ELMO1: variants seen among roughly 807,000 people sequenced by gnomAD.
ELMO1 encodes the protein engulfment and cell motility 1, also known as engulfment and cell motility protein 1.
Under a neutral mutation model 98.9 loss-of-function variants are expected in ELMO1, and 26 were observed. That is an observed-to-expected ratio of 0.26 (90% CI 0.19 to 0.36). ELMO1 has a LOEUF of 0.36. ELMO1 is among the 10% of genes least tolerant of loss of function. The probability of loss-of-function intolerance (pLI) is 1.00; values close to 1 mark genes in which losing one functional copy is unlikely to be tolerated. For synonymous variants in ELMO1, 346 were observed against 346.0 expected, an observed-to-expected ratio of 1.00 and a Z score of 0.00; for missense variants, 627 against 935.2, an observed-to-expected ratio of 0.67 and a Z score of 4.30.
At chr7:36,923,155 C>T (rs1785278587) in intron 16 of ELMO1, among the ~76,000 whole-genome samples, 2 of 152,196 alleles carry the variant, frequency 1.3e-5, no homozygotes, top group African/African-American at 4.8e-5. Context: ...CTGTGAGGTC[C>T]TCGGTATTTT....
chr7:37,223,173 T>C (rs1372601731), intron 9 of ELMO1, among the ~76,000 whole-genome samples: 7 of 152,210 alleles, frequency 4.6e-5, no homozygotes, highest in African/African-American at 1.4e-4. Context: ...ATATAAACAT[T>C]TCAATAACAA....
At chr7:37,260,409 A>C (rs1795918853) in intron 5 of ELMO1, among the ~76,000 whole-genome samples, 1 of 152,198 alleles carries the variant, frequency 6.6e-6, no homozygotes, top group Non-Finnish European at 1.5e-5. Context: ...CACAGGGTTA[A>C]GGTTGCAGAG....
At chr7:36,946,101 C>G (rs1562846021) in intron 16 of ELMO1, among the ~76,000 whole-genome samples, 1 of 152,234 alleles carries the variant, frequency 6.6e-6, no homozygotes, top group South Asian at 2.1e-4. Flanking sequence ...GACAGCTGTG[C>G]TTTTCTGCAC....
At chr7:37,286,442 G>A (rs1225050918) in intron 4 of ELMO1, among the ~76,000 whole-genome samples, 3 of 152,350 alleles carry the variant, frequency 2.0e-5, no homozygotes, top group African/African-American at 7.2e-5. Flanking sequence ...GTAAATGAAT[G>A]ATGGGCAAGA....
At chr7:36,987,221 C>T (rs1791574411) in intron 16 of ELMO1, among the ~76,000 whole-genome samples, 2 of 152,132 alleles carry the variant, frequency 1.3e-5, no homozygotes, top group African/African-American at 4.8e-5. Flanking sequence ...TCCTCCCCTG[C>T]TTGCTCCAAA....
chr7:37,082,687 C>G (rs1413972832), intron 15 of ELMO1, among the ~76,000 whole-genome samples: 1 of 152,006 alleles, frequency 6.6e-6, no homozygotes, highest in South Asian at 2.1e-4. Context: ...GCTGTGACTG[C>G]GTTACTGCAC....
intron 13 of ELMO1, among the ~76,000 whole-genome samples, chr7:37,170,909 C>T (rs1249104438): frequency 2.0e-5 from 3 of 152,092 alleles, no homozygotes; most frequent in African/African-American, 7.2e-5. Flanking sequence ...CCTGGCTGAA[C>T]TTTCATTTTA....
intron 1 of ELMO1, among the ~76,000 whole-genome samples, chr7:37,443,241 C>T (rs1345704564): frequency 2.0e-5 from 3 of 152,176 alleles, no homozygotes; most frequent in African/African-American, 7.2e-5. Flanking sequence ...GCAAGTTGTG[C>T]CTCTCCAGTG....
At chr7:37,308,095 A>G (rs992241121) in intron 4 of ELMO1, among the ~76,000 whole-genome samples, 7 of 152,200 alleles carry the variant, frequency 4.6e-5, no homozygotes, top group Admixed American at 3.3e-4. Context: ...CCTGCCCGAC[A>G]GAGCAAGACT....
At chr7:37,351,549 A>C (rs1170838751) in intron 1 of ELMO1, among the ~76,000 whole-genome samples, 1 of 152,226 alleles carries the variant, frequency 6.6e-6, no homozygotes, top group Non-Finnish European at 1.5e-5. Context: ...GGGAACAAGG[A>C]CAGAAGGCCT....
intron 16 of ELMO1, among the ~76,000 whole-genome samples, chr7:36,903,652 T>G (rs1783747923): frequency 6.6e-6 from 1 of 151,798 alleles, no homozygotes; most frequent in South Asian, 2.1e-4. Flanking sequence ...CCAGGGGAGG[T>G]GCATGCACAG....
rs372289275 is a variant in ELMO1 at position 36,865,670 on chromosome 7, C to T, written c.1906-3934G>A. Among the ~76,000 whole-genome samples, 91 of 152,304 alleles carry T rather than the reference C, an allele frequency of 6.0e-4. No homozygotes were observed. The South Asian group carries it at 0.017, about 29-fold the overall frequency. ...GCCAATTCCTTTTCAAAAGCTAGAT[C>T]AGATGCCATGTCCTGCATCACCTTT... On this transcript the variant is annotated intron_variant, in intron 20 of 21. Transcript: ENST00000310758.
rs144737008 is a variant in ELMO1, at chr7:36,972,736, G to T, written c.1437+40563C>A. Among the ~76,000 whole-genome samples, 686 of 152,256 alleles carry T rather than the reference G, an allele frequency of 4.5e-3. 13 individuals are homozygous for T. Among genetic ancestry groups the T allele is most frequent in the African/African-American group, 0.015 (630 of 41,530 alleles). On this transcript the variant is annotated intron_variant, in intron 16 of 21. Transcript: ENST00000310758. ...CCTATCTCCAAATAAGGGAACTTTC[G>T]GAGGTTAGGACTTCAATCTATATAT...
intron 16 of ELMO1, among the ~76,000 whole-genome samples, chr7:37,000,743 A>C (rs1357069259): frequency 6.6e-6 from 1 of 152,138 alleles, no homozygotes; most frequent in Non-Finnish European, 1.5e-5. Flanking sequence ...GTCTCTCGGC[A>C]GCCATCCTGG....
chr7:37,052,872 AC>A (rs530722925), intron 15 of ELMO1, among the ~76,000 whole-genome samples: 26 of 152,084 alleles, frequency 1.7e-4, no homozygotes, highest in African/African-American at 5.8e-4. Context: ...GAGAGCACCA[AC>A]CCCCCAGGTC....
intron 15 of ELMO1, among the ~76,000 whole-genome samples, chr7:37,094,869 C>T (rs1747554044): frequency 6.6e-6 from 1 of 152,176 alleles, no homozygotes; most frequent in Admixed American, 6.5e-5. Context: ...ACACAAGGCC[C>T]TAAGTAGCAG....
intron 2 of ELMO1, among the ~76,000 whole-genome samples, chr7:37,337,366 G>C (rs1430893820): frequency 6.6e-6 from 1 of 152,042 alleles, no homozygotes; most frequent in African/African-American, 2.4e-5. Context: ...TCACACACCG[G>C]GGCCTCTTGT....
At chr7:36,946,790 T>C (rs1787528774) in intron 16 of ELMO1, among the ~76,000 whole-genome samples, 1 of 152,176 alleles carries the variant, frequency 6.6e-6, no homozygotes, top group Non-Finnish European at 1.5e-5. Context: ...CTCTTCTCAC[T>C]CCCCACCTTC....
intron 14 of ELMO1, among the ~76,000 whole-genome samples, chr7:37,131,876 A>G (rs900665151): frequency 2.0e-5 from 3 of 152,204 alleles, no homozygotes; most frequent in African/African-American, 7.2e-5. Flanking sequence ...CAACACACAG[A>G]TTTAAAATAT....
Sources: gnomAD v4.1 joint callset for allele counts (sites outside exome capture counted in the v4.1 genomes callset) on GRCh38, gnomAD v4.1.1 for gene constraint, MANE v1.5 for transcripts, NCBI Gene and HGNC (gene_info 2026-07-23, HGNC 2026-07-21) for gene names.